Variants in DAB1 observed in about 807,000 individuals in gnomAD.
The protein encoded by DAB1 is DAB adaptor protein 1.
DAB1 carries 15 observed loss-of-function variants against 64.6 expected under a neutral mutation model. The observed-to-expected ratio is 0.23, with a 90% CI of 0.16 to 0.36. DAB1 has a LOEUF of 0.36. Among genes scored for constraint, DAB1 ranks in the 10% least tolerant of loss-of-function variants. The pLI is 1.00. For synonymous variants in DAB1, 235 were observed against 251.9 expected, an observed-to-expected ratio of 0.93 and a Z score of 0.64; for missense variants, 596 against 706.7, an observed-to-expected ratio of 0.84 and a Z score of 1.78.
chr1:57,752,138 A>C (rs539732963), intron 6 of DAB1, among the ~76,000 whole-genome samples: 32 of 152,248 alleles, frequency 2.1e-4, no homozygotes, highest in Non-Finnish European at 2.6e-4. Context: ...ATCAAATAGA[A>C]GCTTGAGTTC....
At chr1:58,125,900 T>C (rs1208254835) in intron 5 of DAB1, among the ~76,000 whole-genome samples, 1 of 152,102 alleles carries the variant, frequency 6.6e-6, no homozygotes, top group Non-Finnish European at 1.5e-5. Flanking sequence ...CACTCATGCT[T>C]TGGGGTGGAG....
At chr1:57,626,290 G>A (rs932346008) in intron 7 of DAB1, among the ~76,000 whole-genome samples, 2 of 152,118 alleles carry the variant, frequency 1.3e-5, no homozygotes, top group Non-Finnish European at 2.9e-5. Flanking sequence ...GGAACACCAG[G>A]GCAGTGCAGA....
In DAB1 at chr1:57,069,351, AT is replaced by A. The variant is rs758741388; in HGVS notation, c.663+8del. On this transcript the variant is annotated splice_region_variant and intron_variant, in intron 8 of 14. Coordinates refer to ENST00000371236, the MANE Select transcript of DAB1 (RefSeq NM_001365792.1). ...GGTGCAATGGTAAGAGAGGCAAGCA[AT>A]TTTATACCTGATAAATGTTTTCTTC... 5 of 1,611,970 alleles carry A rather than the reference AT, an allele frequency of 3.1e-6. No individual in the cohort carries two copies. Among genetic ancestry groups the A allele is most frequent in the Non-Finnish European group, 4.2e-6 (5 of 1,178,176 alleles).
chr1:57,139,658 T>C (rs1658417557), intron 3 of DAB1, among the ~76,000 whole-genome samples: 1 of 152,092 alleles, frequency 6.6e-6, no homozygotes, highest in South Asian at 2.1e-4. Flanking sequence ...GTGTCTCCAT[T>C]TCCAAAACAG....
chr1:57,378,733 T>C (rs1262575576), intron 1 of DAB1, among the ~76,000 whole-genome samples: 2 of 152,138 alleles, frequency 1.3e-5, no homozygotes, highest in African/African-American at 2.4e-5. Context: ...AGCAATGCAT[T>C]AGGGAGAAGA....
intron 5 of DAB1, chr1:58,049,179 C>G: frequency 2.6e-6 from 2 of 772,074 alleles, no homozygotes; most frequent in South Asian, 1.3e-5. Context: ...CGTGAGCGTT[C>G]CCTATTGCTC....
At chr1:57,268,924 C>T (rs1175209993) in intron 2 of DAB1, among the ~76,000 whole-genome samples, 4 of 152,116 alleles carry the variant, frequency 2.6e-5, no homozygotes, top group Admixed American at 2.6e-4. Context: ...CAAGGATTAG[C>T]AAGAGCAGGA....
At chr1:57,536,630 G>C in intron 7 of DAB1, among the ~76,000 whole-genome samples, 1 of 148,306 alleles carries the variant, frequency 6.7e-6, no homozygotes, top group East Asian at 2.0e-4. Flanking sequence ...AAAAAATTGA[G>C]TGAATTTGAA....
intron 1 of DAB1, chr1:57,880,451 C>T (rs1644127215): frequency 6.6e-6 from 1 of 152,144 alleles, no homozygotes; most frequent in Non-Finnish European, 1.5e-5. Flanking sequence ...CACTTGTTGA[C>T]TCTTCTCACC....
chr1:57,776,917 A>T (rs1649827426), intron 6 of DAB1, among the ~76,000 whole-genome samples: 1 of 151,808 alleles, frequency 6.6e-6, no homozygotes, highest in Admixed American at 6.6e-5. Flanking sequence ...ACAACTCTGT[A>T]CAGATGCAAG....
At position 58,248,577 on chromosome 1, in the gene DAB1, G is replaced by T. The variant is rs964356311; in HGVS notation, n.309+94775C>A. Among the ~76,000 whole-genome samples the T allele has an allele frequency of 3.3e-5, 5 of 152,168 alleles. No homozygotes were observed. In the East Asian group the frequency reaches 9.7e-4, roughly 30 times the overall value. ...AGAAATCTACTATCTAGCATCAAAC[G>T]TACAAGCAGATAGAAGAAGCTTAAA... is the stretch of plus-strand genomic sequence containing the variant. On this transcript the variant is annotated intron_variant and non_coding_transcript_variant, in intron 4 of 20. Coordinates refer to the DAB1 transcript ENST00000485760.
chr1:57,664,126 GA>G (rs953162304), intron 6 of DAB1, among the ~76,000 whole-genome samples: 30 of 151,612 alleles, frequency 2.0e-4, no homozygotes, highest in Admixed American at 8.5e-4. Context: ...TTAAATGGGG[GA>G]AAAAAAAGGA....
chr1:57,352,873 T>C (rs1156702568), intron 1 of DAB1, among the ~76,000 whole-genome samples: 4 of 151,952 alleles, frequency 2.6e-5, no homozygotes, highest in Admixed American at 6.6e-5. Context: ...TCAAATAAGA[T>C]GAAGGCCTGA....
At chr1:57,425,917 T>A (rs959777935), upstream of DAB1, among the ~76,000 whole-genome samples, 1 of 152,152 alleles carries the variant, frequency 6.6e-6, no homozygotes, top group South Asian at 2.1e-4. Context: ...TCAATTAAGA[T>A]TAACTTCAGT....
chr1:57,578,201 G>A (rs1186850121), intron 7 of DAB1, among the ~76,000 whole-genome samples: 2 of 152,224 alleles, frequency 1.3e-5, no homozygotes, highest in Non-Finnish European at 2.9e-5. Context: ...GCTGTGCTGA[G>A]GGATCTTCAG....
intron 4 of DAB1, among the ~76,000 whole-genome samples, chr1:58,182,916 T>G (rs1656876525): frequency 6.6e-6 from 1 of 152,014 alleles, no homozygotes; most frequent in Non-Finnish European, 1.5e-5. Flanking sequence ...GATAACATAT[T>G]ATAGGAATTC....
At chr1:58,422,602 A>T (rs1054302910) in intron 3 of DAB1, among the ~76,000 whole-genome samples, 5 of 128,226 alleles carry the variant, frequency 3.9e-5, no homozygotes, top group Admixed American at 2.3e-4. Flanking sequence ...CAGGAGGCAA[A>T]TTTTTTTTTT....
At chr1:57,852,127 T>C (rs552152872) in intron 1 of DAB1, among the ~76,000 whole-genome samples, 1 of 152,250 alleles carries the variant, frequency 6.6e-6, no homozygotes, top group South Asian at 2.1e-4. Context: ...AGAATTTCTC[T>C]CCCAAAGCAT....
At chr1:57,900,381 T>C (rs1443645107) in intron 5 of DAB1, among the ~76,000 whole-genome samples, 2 of 152,178 alleles carry the variant, frequency 1.3e-5, no homozygotes, top group African/African-American at 4.8e-5. Flanking sequence ...AAGCAGGAAT[T>C]GCCTGACCAC....
Sources: allele counts gnomAD v4.1 joint callset (sites outside exome capture counted in the v4.1 genomes callset), GRCh38; gene constraint gnomAD v4.1.1; transcripts MANE v1.5; gene names NCBI Gene and HGNC (gene_info 2026-07-23, HGNC 2026-07-21).